The following EDIL3 variants were observed in gnomAD, a reference collection of about 807,000 sequenced individuals.
EDIL3 encodes the protein EGF like and discoidin domains 3.
In EDIL3, 37 loss-of-function variants were observed where a neutral mutation model predicts 67.4. That is an observed-to-expected ratio of 0.55 (90% CI 0.42 to 0.72). The LOEUF (loss-of-function observed/expected upper bound fraction) is 0.72, where lower values mean the gene tolerates loss of function less well. Ranked by LOEUF, EDIL3 falls within the 30% of genes least tolerant of loss-of-function variation. The probability of loss-of-function intolerance (pLI) is 0.00; values close to 1 mark genes in which losing one functional copy is unlikely to be tolerated. For synonymous variants in EDIL3, 195 were observed against 196.3 expected (o/e 0.99, Z 0.05); for missense variants, 527 against 586.3 (o/e 0.90, Z 1.04).
intron 4 of EDIL3, among the ~76,000 whole-genome samples, chr5:84,169,662 T>C (rs1748777625): frequency 6.6e-6 from 1 of 150,936 alleles, no homozygotes; most frequent in Non-Finnish European, 1.5e-5. Flanking sequence ...ATTGGCTTTT[T>C]TTTTTCACTC....
At position 84,347,402 on chromosome 5, in the gene EDIL3, T is replaced by C. The variant is rs1240585390; in HGVS notation, c.67+36906A>G. 2.6e-5 allele frequency among the ~76,000 whole-genome samples: 4 copies of C among 152,202 alleles called. No homozygotes were observed. In the East Asian group the frequency reaches 7.7e-4, roughly 29 times the overall value. ...TCCATTTGAGAATACCTAATTAACA[T>C]TTCCAGCAAATTTTGCTTTTAATTT... On this transcript the variant is annotated intron_variant, in intron 1 of 10. Coordinates refer to ENST00000296591, the MANE Select transcript of EDIL3 (RefSeq NM_005711.5).
chr5:83,973,946 G>A (rs1051493890), intron 9 of EDIL3, among the ~76,000 whole-genome samples: 1 of 151,964 alleles, frequency 6.6e-6, no homozygotes, highest in African/African-American at 2.4e-5. Context: ...AGTATTAGGA[G>A]GTCCTTGAAA....
intron 9 of EDIL3, among the ~76,000 whole-genome samples, chr5:84,056,201 C>T (rs1334032894): frequency 6.6e-6 from 1 of 152,104 alleles, no homozygotes; most frequent in Non-Finnish European, 1.5e-5. Context: ...AAACATCATT[C>T]TCAGCAAACT....
chr5:84,382,360 C>A (rs1003083754), intron 1 of EDIL3, among the ~76,000 whole-genome samples: 3 of 152,188 alleles, frequency 2.0e-5, no homozygotes, highest in Non-Finnish European at 4.4e-5. Flanking sequence ...CTGGCTGCAG[C>A]GAGCCGGGAC....
chr5:84,291,690 C>CTATA (rs1745921216), intron 1 of EDIL3, among the ~76,000 whole-genome samples: 2 of 145,770 alleles, frequency 1.4e-5, no homozygotes, highest in African/African-American at 5.0e-5. Context: ...ATAGATATAT[C>CTATA]TATATATCTA....
At chr5:84,366,722 T>C (rs895481317) in intron 1 of EDIL3, among the ~76,000 whole-genome samples, 2 of 152,154 alleles carry the variant, frequency 1.3e-5, no homozygotes, top group Non-Finnish European at 2.9e-5. Context: ...AGAAACAGTA[T>C]ACACAAAAGT....
chr5:84,299,763 T>C (rs776845063), intron 1 of EDIL3, among the ~76,000 whole-genome samples: 4 of 152,200 alleles, frequency 2.6e-5, no homozygotes, highest in Admixed American at 1.3e-4. Context: ...CATATGTATG[T>C]ATAACCTCTA....
intron 8 of EDIL3, among the ~76,000 whole-genome samples, chr5:84,061,276 A>G (rs1746537048): frequency 6.6e-6 from 1 of 152,144 alleles, no homozygotes; most frequent in Non-Finnish European, 1.5e-5. Flanking sequence ...TTTGAGTTTA[A>G]TACGGTAAAA....
intron 1 of EDIL3, among the ~76,000 whole-genome samples, chr5:84,326,732 G>A (rs1419873604): frequency 2.0e-5 from 3 of 151,706 alleles, no homozygotes; most frequent in Admixed American, 2.0e-4. Flanking sequence ...TGTTTCCAAT[G>A]TATCTCAAAT....
intron 9 of EDIL3, among the ~76,000 whole-genome samples, chr5:83,983,907 A>G (rs1345070817): frequency 6.6e-6 from 1 of 152,070 alleles, no homozygotes; most frequent in Non-Finnish European, 1.5e-5. Flanking sequence ...AACTAGTAGA[A>G]TATAAAGTCT....
intron 3 of EDIL3, among the ~76,000 whole-genome samples, chr5:84,228,143 G>A (rs1744489758): frequency 1.3e-5 from 2 of 151,898 alleles, no homozygotes; most frequent in African/African-American, 4.8e-5. Flanking sequence ...GTAGCTAGTG[G>A]CTGCCCTATT....
At chr5:84,132,992 C>G (rs1657806279) in intron 5 of EDIL3, among the ~76,000 whole-genome samples, 1 of 151,984 alleles carries the variant, frequency 6.6e-6, no homozygotes, top group South Asian at 2.1e-4. Flanking sequence ...TGAAATCTGT[C>G]TTACTTTCCC....
Position 84,325,830 on chromosome 5 carries a change from T to C in EDIL3, c.67+58478A>G, listed in dbSNP as rs77186252. The stretch of plus-strand genomic sequence containing the variant: ...TAAAAAGGAAGAAAAGTCTAATGTA[T>C]GCTAAAATGTGGATAAACTTTGAGA... On this transcript the variant is annotated intron_variant, in intron 1 of 10. Transcript: ENST00000296591. Among the ~76,000 whole-genome samples the C allele has an allele frequency of 5.8e-4, 89 of 152,198 alleles. No individual in the cohort carries two copies. In the East Asian group the frequency reaches 0.017, roughly 28 times the overall value.
intron 1 of EDIL3, among the ~76,000 whole-genome samples, chr5:84,342,226 G>A (rs1054465407): frequency 6.6e-6 from 1 of 152,044 alleles, no homozygotes; most frequent in Non-Finnish European, 1.5e-5. Context: ...GGAATTGGAA[G>A]CCATTATTTT....
At chr5:84,374,629 C>T (rs546623231) in intron 1 of EDIL3, among the ~76,000 whole-genome samples, 5 of 152,214 alleles carry the variant, frequency 3.3e-5, no homozygotes, top group South Asian at 4.2e-4. Flanking sequence ...GGCTCTGGGT[C>T]CCCACCCAAA....
At chr5:84,292,932 T>A (rs900326267) in intron 1 of EDIL3, among the ~76,000 whole-genome samples, 1 of 152,182 alleles carries the variant, frequency 6.6e-6, no homozygotes, top group African/African-American at 2.4e-5. Flanking sequence ...CCTCCCCTAG[T>A]TCCTCATTGG....
chr5:84,250,610 A>T (rs1424344210), intron 2 of EDIL3, among the ~76,000 whole-genome samples: 4 of 152,336 alleles, frequency 2.6e-5, no homozygotes, highest in African/African-American at 9.6e-5. Context: ...ACTGCAAAGT[A>T]GTAAGGTTTG....
chr5:84,002,160 A>G (rs889464529), intron 9 of EDIL3, among the ~76,000 whole-genome samples: 2 of 152,208 alleles, frequency 1.3e-5, no homozygotes, highest in African/African-American at 4.8e-5. Flanking sequence ...CATCATATCA[A>G]CAGATTGAAG....
At chr5:84,188,329 T>A (rs1426076780) in intron 3 of EDIL3, among the ~76,000 whole-genome samples, 1 of 151,906 alleles carries the variant, frequency 6.6e-6, no homozygotes, top group East Asian at 1.9e-4. Context: ...AGAGCCAGAC[T>A]CCCTTTGAAG....
Sources: gnomAD v4.1 joint callset for allele counts (sites outside exome capture counted in the v4.1 genomes callset) on GRCh38, gnomAD v4.1.1 for gene constraint, MANE v1.5 for transcripts, NCBI Gene and HGNC (gene_info 2026-07-23, HGNC 2026-07-21) for gene names.